Variants in FKBP11 observed in about 807,000 individuals in gnomAD.
FKBP11 encodes the protein peptidyl-prolyl cis-trans isomerase FKBP11.
Under a neutral mutation model 24.7 loss-of-function variants are expected in FKBP11, and 21 were observed. The observed-to-expected ratio is 0.85, with a 90% CI of 0.60 to 1.23. The LOEUF (loss-of-function observed/expected upper bound fraction) is 1.23, where lower values mean the gene tolerates loss of function less well. FKBP11 is among the 50% of genes most tolerant of loss of function. FKBP11 has a pLI of 0.00. For missense variants in FKBP11, 245 were observed against 248.7 expected (o/e 0.99, Z 0.10); for synonymous variants, 106 against 100.6 (o/e 1.05, Z -0.32).
chr12:48,930,278 T>C (rs191407014), upstream of FKBP11, among the ~76,000 whole-genome samples: 243 of 152,334 alleles, frequency 1.6e-3, no homozygotes, highest in Non-Finnish European at 2.8e-3. Flanking sequence ...AGCCCATTTA[T>C]ATTTTAACCC....
In FKBP11 at chr12:48,922,970, G is replaced by C. The variant is rs1939868750; in HGVS notation, c.389-769C>G. The C allele has an allele frequency of 3.8e-6, 3 of 791,284 alleles. No homozygotes were observed. In the South Asian group the frequency reaches 5.3e-5, roughly 14 times the overall value. 49.0% of individuals were successfully genotyped at this position (791,284 alleles called of 1,614,324 possible). A position where few individuals can be genotyped will look rare whatever the true frequency, so the allele number is the denominator to read the frequency against. On this transcript the variant is annotated intron_variant, in intron 5 of 5. Transcript: ENST00000550765. Reference sequence around the variant, plus strand: ...TTGAGACCAGCCTGGCCAACATGGAGAAGCCCCATCTCTACTAAAAGTATA... The same window carrying C: ...TTGAGACCAGCCTGGCCAACATGGACAAGCCCCATCTCTACTAAAAGTATA...
At chr12:48,924,707 G>T in intron 2 of FKBP11, 59 bp from the exon 3 acceptor site, 1 of 1,591,482 alleles carries the variant, frequency 6.3e-7, no homozygotes, top group Non-Finnish European at 8.6e-7. Flanking sequence ...CAGCAGGCGC[G>T]CAACACACAC....
the FKBP11 span, among the ~76,000 whole-genome samples, chr12:48,932,249 ATATATATATATATTTTTTTTTTTTT>A: frequency 6.5e-4 from 24 of 36,918 alleles, no homozygotes; most frequent in African/African-American, 2.2e-3. Context: ...ATATATATAT[ATATATATATATATTTTTTTTTTTTT>A]TTTTTTTTTT....
chr12:48,935,437 T>C, the FKBP11 span, among the ~76,000 whole-genome samples: 1 of 152,042 alleles, frequency 6.6e-6, no homozygotes, highest in Non-Finnish European at 1.5e-5. Context: ...TAAGAAAATA[T>C]TAAGATTGGG....
upstream of FKBP11, among the ~76,000 whole-genome samples, chr12:48,927,024 G>A (rs1489717513): frequency 6.6e-6 from 1 of 152,014 alleles, no homozygotes; most frequent in East Asian, 1.9e-4. Context: ...TGGCCAGACT[G>A]CTCTCAAACT....
Position 48,922,398 on chromosome 12 carries a change from C to T in FKBP11, c.389-197G>A, listed in dbSNP as rs966818300. The T allele has an allele frequency of 7.3e-6, 5 of 680,886 alleles. No homozygotes were observed. The East Asian group carries it at 1.5e-4, about 21-fold the overall frequency. 42.2% of individuals were successfully genotyped at this position (680,886 alleles called of 1,614,324 possible). ...CAGAGTCCAGTGATAATCATGTTGACCCCAACTACACATGTGGCTTGGGTC... is the reference window on the plus strand; with the variant it reads ...CAGAGTCCAGTGATAATCATGTTGATCCCAACTACACATGTGGCTTGGGTC... On this transcript the variant is annotated intron_variant, in intron 5 of 5. Transcript: ENST00000550765.
chr12:48,938,580 G>A, the FKBP11 span: 3 of 460,928 alleles, frequency 6.5e-6, no homozygotes, highest in Non-Finnish European at 4.3e-6. Context: ...GGGCTTGTGG[G>A]GACAGGGAAA....
chr12:48,932,255 ATATATATTTTTTTTTTTTTTTTTT>A, the FKBP11 span, among the ~76,000 whole-genome samples: 1 of 37,598 alleles, frequency 2.7e-5, no homozygotes, highest in Non-Finnish European at 5.0e-5. Flanking sequence ...ATATATATAT[ATATATATTTTTTTTTTTTTTTTTT>A]TTTTTTTTTT....
At position 48,925,356 on chromosome 12, in the gene FKBP11, C is replaced by G. The variant is rs1366130570; in HGVS notation, c.73G>C (p.Ala25Pro). The change falls in exon 1 of 6, where the codon GCT (alanine) becomes CCT (proline). Residue 25 changes from alanine to proline, a missense_variant. Ala to Pro is a conservative substitution (Grantham distance 27, BLOSUM62 -1). Transcript: ENST00000550765. ...LLLLSAAVCRAEAGLETESPV... is the reference protein window; with the variant it reads ...LLLLSAAVCRPEAGLETESPV... Reference sequence around the variant, plus strand: ...CTTTCGGTTTCGAGCCCAGCCTCAGCCCGGCACACCGCCGCACTGAGCAGC... The same window carrying G: ...CTTTCGGTTTCGAGCCCAGCCTCAGGCCGGCACACCGCCGCACTGAGCAGC... 6.2e-7 allele frequency: 1 copy of G among 1,606,974 alleles called. No individual in the cohort carries two copies. The highest frequency in any genetic ancestry group is 2.2e-5 in the East Asian group (1 of 44,686).
intron 1 of FKBP11, 37 bp downstream of exon 1, chr12:48,925,263 G>A (rs1313057045): frequency 1.2e-6 from 2 of 1,605,204 alleles, no homozygotes; most frequent in Admixed American, 1.7e-5. Context: ...AACAAGGCTC[G>A]GCCCACGGGG....
chr12:48,931,128 TAAAAAAAAAAAAAAA>T (rs35482677), upstream of FKBP11, among the ~76,000 whole-genome samples: 5,474 of 36,728 alleles, frequency 0.15, 332 homozygotes, highest in Admixed American at 0.2. Context: ...GACTCCAGCT[TAAAAAAAAAAAAAAA>T]AAAAAAAAAA....
chr12:48,931,359 G>A (rs11168794), upstream of FKBP11: 532,268 of 1,440,580 alleles, frequency 0.37, 102,725 homozygotes, highest in Admixed American at 0.51. Flanking sequence ...AGTAGGAGAA[G>A]GTGGTAGTAG....
At chr12:48,924,123 C>G in intron 4 of FKBP11, 100 bp downstream of exon 4, 1 of 1,391,104 alleles carries the variant, frequency 7.2e-7, no homozygotes, top group East Asian at 2.3e-5. Context: ...GAAGCAGGGT[C>G]CTTTATTCCA....
intron 2 of FKBP11, 190 bp from the exon 3 acceptor site, chr12:48,924,838 C>A: frequency 1.4e-6 from 2 of 1,445,584 alleles, no homozygotes; most frequent in East Asian, 5.0e-5. Context: ...CCCTGCACTT[C>A]TCCGTGCCAG....
chr12:48,932,231 A>T, the FKBP11 span, among the ~76,000 whole-genome samples: 10 of 31,698 alleles, frequency 3.2e-4, no homozygotes, highest in African/African-American at 1.5e-3. Context: ...ATATATTTAT[A>T]TATATATATA....
the FKBP11 span, chr12:48,938,314 G>C: frequency 2.2e-6 from 1 of 448,734 alleles, no homozygotes; most frequent in South Asian, 1.6e-5. Flanking sequence ...AGTCCGGCTT[G>C]ACTAATGCCC....
At chr12:48,932,805 A>T in the FKBP11 span, among the ~76,000 whole-genome samples, 1 of 152,126 alleles carries the variant, frequency 6.6e-6, no homozygotes, top group Admixed American at 6.6e-5. Flanking sequence ...TGCCAGGCGG[A>T]CAAGCCCATT....
intron 3 of FKBP11, 122 bp from the exon 4 acceptor site, chr12:48,924,378 G>A: frequency 7.5e-7 from 1 of 1,330,378 alleles, no homozygotes; most frequent in South Asian, 1.2e-5. Context: ...TAAATCTCTG[G>A]CTTCCAATAG....
chr12:48,929,506 C>A (rs1158509437), upstream of FKBP11, among the ~76,000 whole-genome samples: 2 of 152,136 alleles, frequency 1.3e-5, no homozygotes, highest in Non-Finnish European at 2.9e-5. Context: ...TACACTGCTG[C>A]TATCTACAGT....
Sources: allele counts gnomAD v4.1 joint callset (sites outside exome capture counted in the v4.1 genomes callset), GRCh38; gene constraint gnomAD v4.1.1; transcripts MANE v1.5; gene names NCBI Gene and HGNC (gene_info 2026-07-23, HGNC 2026-07-21).